The following KALRN variants were observed in gnomAD, a reference collection of about 807,000 sequenced individuals.
KALRN encodes kalirin.
Under a neutral mutation model 353.7 loss-of-function variants are expected in KALRN, and 70 were observed. The ratio of observed to expected loss-of-function variants is 0.20; its 90% CI spans 0.16 to 0.24. The LOEUF (loss-of-function observed/expected upper bound fraction) is 0.24. KALRN is among the 10% of genes least tolerant of loss of function. KALRN has a pLI of 1.00. For missense variants in KALRN, 2,791 were observed against 3,756.7 expected, an observed-to-expected ratio of 0.74 and a Z score of 6.72; for synonymous variants, 1,391 against 1,434.8, an observed-to-expected ratio of 0.97 and a Z score of 0.69.
chr3:124,315,005 A>C (rs2078671051), intron 6 of KALRN, among the ~76,000 whole-genome samples: 2 of 152,172 alleles, frequency 1.3e-5, no homozygotes, highest in Admixed American at 6.5e-5. Flanking sequence ...GAACACACTC[A>C]TTACCTTGAG....
At chr3:124,114,202 T>A (rs937925283) in intron 1 of KALRN, among the ~76,000 whole-genome samples, 1 of 152,200 alleles carries the variant, frequency 6.6e-6, no homozygotes, top group African/African-American at 2.4e-5. Context: ...CATTTGGATA[T>A]GTTCTGGCCA....
chr3:124,702,162 C>A, intron 57 of KALRN, 46 bp downstream of exon 57: 1 of 1,200,306 alleles, frequency 8.3e-7, no homozygotes, highest in Non-Finnish European at 1.2e-6. Context: ...CACCTAGCAA[C>A]ATCACATCAG....
intron 1 of KALRN, among the ~76,000 whole-genome samples, chr3:124,042,749 A>G (rs1425551810): frequency 6.6e-6 from 1 of 152,122 alleles, no homozygotes; most frequent in Non-Finnish European, 1.5e-5. Flanking sequence ...GCTTTGGGAC[A>G]TGTTGCATTT....
At chr3:124,605,840 A>C (rs2077288409) in intron 34 of KALRN, among the ~76,000 whole-genome samples, 1 of 152,150 alleles carries the variant, frequency 6.6e-6, no homozygotes, top group Admixed American at 6.5e-5. Context: ...GTCAAAATAA[A>C]CAAGAACGGA....
intron 25 of KALRN, among the ~76,000 whole-genome samples, chr3:124,467,238 G>A: frequency 6.6e-6 from 1 of 152,162 alleles, no homozygotes; most frequent in East Asian, 1.9e-4. Flanking sequence ...ATCGAGGCTG[G>A]GGAATTTAGG....
At chr3:124,472,575 ATGTGTGTGTG>A (rs57265173) in intron 25 of KALRN, among the ~76,000 whole-genome samples, 8 of 148,618 alleles carry the variant, frequency 5.4e-5, no homozygotes, top group African/African-American at 9.8e-5. Flanking sequence ...GTGTGTGTAT[ATGTGTGTGTG>A]TGTGTGTGTG....
chr3:124,302,523 T>C (rs1448607503), intron 6 of KALRN, among the ~76,000 whole-genome samples: 1 of 152,242 alleles, frequency 6.6e-6, no homozygotes, highest in Non-Finnish European at 1.5e-5. Context: ...AGGTGTATCA[T>C]TTTGTCAATG....
intron 13 of KALRN, among the ~76,000 whole-genome samples, chr3:124,405,638 G>T (rs1412847587): frequency 4.8e-5 from 4 of 83,870 alleles, no homozygotes; most frequent in Admixed American, 1.5e-4. Flanking sequence ...GGACCTCAGG[G>T]TTTTTTTTTT....
chr3:124,245,777 T>G (rs917713767), intron 3 of KALRN, among the ~76,000 whole-genome samples: 1 of 152,140 alleles, frequency 6.6e-6, no homozygotes, highest in Non-Finnish European at 1.5e-5. Context: ...TGATGTTGAG[T>G]ATGTTTTTCA....
At chr3:124,135,116 G>GCCCAT (rs2065773391) in intron 1 of KALRN, among the ~76,000 whole-genome samples, 1 of 152,108 alleles carries the variant, frequency 6.6e-6, no homozygotes, top group Non-Finnish European at 1.5e-5. Context: ...GCAAAATTGT[G>GCCCAT]GAACCAACCC....
intron 6 of KALRN, among the ~76,000 whole-genome samples, chr3:124,301,745 G>C (rs547957699): frequency 3.3e-4 from 50 of 152,310 alleles, no homozygotes; most frequent in African/African-American, 1.2e-3. Flanking sequence ...CTCGAACTCA[G>C]TGACTACAGG....
At chr3:124,312,810 C>T (rs556683367) in intron 6 of KALRN, among the ~76,000 whole-genome samples, 59 of 152,316 alleles carry the variant, frequency 3.9e-4, no homozygotes, top group Non-Finnish European at 6.0e-4. Context: ...ATGTACCTAA[C>T]GCAAAGAGAA....
intron 37 of KALRN, among the ~76,000 whole-genome samples, chr3:124,642,808 T>TGTTTTTTTTTTTG (rs796191820): frequency 4.7e-5 from 6 of 126,844 alleles, no homozygotes; most frequent in African/African-American, 2.1e-4. Flanking sequence ...CAAGCCTCGT[T>TGTTTTTTTTTTTG]TTTTTTTTTT....
intron 25 of KALRN, among the ~76,000 whole-genome samples, chr3:124,465,902 G>T (rs1462488653): frequency 6.6e-6 from 1 of 152,168 alleles, no homozygotes; most frequent in African/African-American, 2.4e-5. Context: ...AACTTAATTA[G>T]CTAAGTCACT....
At chr3:124,354,517 G>C (rs2083175731) in intron 10 of KALRN, among the ~76,000 whole-genome samples, 1 of 152,166 alleles carries the variant, frequency 6.6e-6, no homozygotes, top group Non-Finnish European at 1.5e-5. Context: ...AATTAACCCA[G>C]TGAAGCCAAA....
At chr3:124,556,084 C>T (rs2071206086) in intron 33 of KALRN, among the ~76,000 whole-genome samples, 1 of 152,070 alleles carries the variant, frequency 6.6e-6, no homozygotes, top group South Asian at 2.1e-4. Context: ...ATGGGTAAAA[C>T]CTGCACCAGC....
At chr3:124,571,140 T>C (rs963696567) in intron 34 of KALRN, among the ~76,000 whole-genome samples, 2 of 152,252 alleles carry the variant, frequency 1.3e-5, no homozygotes, top group Non-Finnish European at 2.9e-5. Context: ...CTGATCTGTA[T>C]CTAGAAGAAA....
intron 1 of KALRN, chr3:124,163,623 C>A: frequency 1.0e-6 from 1 of 984,774 alleles, no homozygotes; most frequent in Non-Finnish European, 1.2e-6. Context: ...TAACATGGAT[C>A]TGCATAAAGA....
chr3:124,329,774 C>T (rs1408611864), intron 7 of KALRN, 87 bp from the exon 8 acceptor site: 5 of 1,462,196 alleles, frequency 3.4e-6, no homozygotes, highest in East Asian at 2.3e-5. Context: ...GATGTTTCTT[C>T]CCAAGGTATC....
Sources: gnomAD v4.1 joint callset for allele counts (sites outside exome capture counted in the v4.1 genomes callset) on GRCh38, gnomAD v4.1.1 for gene constraint, MANE v1.5 for transcripts, NCBI Gene and HGNC (gene_info 2026-07-23, HGNC 2026-07-21) for gene names.